Variants in FGF1 observed in about 807,000 individuals in gnomAD.
The protein encoded by FGF1 is beta-endothelial cell growth factor.
Under a neutral mutation model 13.4 loss-of-function variants are expected in FGF1, and 9 were observed. That is an observed-to-expected ratio of 0.67 (90% CI 0.40 to 1.17). The LOEUF is 1.17. Among genes scored for constraint, FGF1 ranks in the 50% most tolerant of loss-of-function variants. FGF1 has a pLI of 0.01. For missense variants in FGF1, 156 were observed against 192.7 expected (o/e 0.81, Z 1.13); for synonymous variants, 93 against 79.0 (o/e 1.18, Z -0.94).
At chr5:142,640,426 T>TGGG (rs771167178) in intron 1 of FGF1, among the ~76,000 whole-genome samples, 1,039 of 70,834 alleles carry the variant, frequency 0.015, 35 homozygotes, top group South Asian at 0.056. Flanking sequence ...TGGAGTATGG[T>TGGG]GGGGGGGGGG....
intron 1 of FGF1, among the ~76,000 whole-genome samples, chr5:142,634,705 TTTGGG>T (rs912343995): frequency 6.5e-4 from 99 of 152,344 alleles, no homozygotes; most frequent in African/African-American, 2.4e-3. Flanking sequence ...TCTTTCATCC[TTTGGG>T]AGTTCACAAA....
intron 1 of FGF1, among the ~76,000 whole-genome samples, chr5:142,685,136 T>C (rs551948650): frequency 6.6e-6 from 1 of 152,188 alleles, no homozygotes; most frequent in Non-Finnish European, 1.5e-5. Context: ...CAGCCTTGCA[T>C]ACCTTTGGCA....
chr5:142,625,309 A>G (rs1233105346), intron 1 of FGF1, among the ~76,000 whole-genome samples: 1 of 91,188 alleles, frequency 1.1e-5, no homozygotes, highest in African/African-American at 4.8e-5. Flanking sequence ...GAGAACTACA[A>G]GCGGACACAC....
chr5:142,638,011 T>G (rs1464876537), intron 1 of FGF1, among the ~76,000 whole-genome samples: 1 of 151,948 alleles, frequency 6.6e-6, no homozygotes, highest in Non-Finnish European at 1.5e-5. Flanking sequence ...AAATGGTCAT[T>G]AAGAATCTAC....
At chr5:142,689,878 T>G (rs1477011828), upstream of FGF1, among the ~76,000 whole-genome samples, 4 of 150,628 alleles carry the variant, frequency 2.7e-5, no homozygotes, top group African/African-American at 2.4e-5. Flanking sequence ...TTTTGTATTT[T>G]GTTCAGTAGA....
chr5:142,644,924 G>A (rs200061653), intron 1 of FGF1, among the ~76,000 whole-genome samples: 11 of 152,140 alleles, frequency 7.2e-5, no homozygotes, highest in Admixed American at 7.2e-4. Context: ...CAGTTAACTC[G>A]CCAGCTTTCT....
intron 1 of FGF1, among the ~76,000 whole-genome samples, chr5:142,643,772 G>C (rs1765567442): frequency 6.6e-6 from 1 of 152,194 alleles, no homozygotes; most frequent in African/African-American, 2.4e-5. Context: ...TAGTAAAACA[G>C]ATCTACATTT....
chr5:142,692,050 G>T (rs1046290624), intron 2 of FGF1, among the ~76,000 whole-genome samples: 1 of 152,142 alleles, frequency 6.6e-6, no homozygotes, highest in Non-Finnish European at 1.5e-5. Flanking sequence ...TAAAGTTTAG[G>T]CCAGGTGCAG....
intron 2 of FGF1, among the ~76,000 whole-genome samples, chr5:142,608,555 T>C (rs1383531170): frequency 7.9e-5 from 6 of 75,988 alleles, no homozygotes; most frequent in Non-Finnish European, 1.2e-4. Context: ...TATATATATA[T>C]ATATATATAT....
Position 142,624,289 on chromosome 5 carries a change from A to T in FGF1, c.-34-10128T>A, listed in dbSNP as rs568207751. 2.6e-5 allele frequency among the ~76,000 whole-genome samples: 4 copies of T among 152,050 alleles called. No homozygotes were observed. The South Asian group carries it at 6.2e-4, about 24-fold the overall frequency. On this transcript the variant is annotated intron_variant, in intron 1 of 3. Transcript: ENST00000337706. ...ACTGTGTTACCCAGGCTGGTCTTAA[A>T]CTTCTAGGCTCAAGCAATCCTCCCA...
chr5:142,650,464 C>G (rs115255844), intron 1 of FGF1, among the ~76,000 whole-genome samples: 74 of 152,178 alleles, frequency 4.9e-4, no homozygotes, highest in African/African-American at 1.7e-3. Context: ...GTTTCCTCAT[C>G]GGCAGAAGGG....
intron 1 of FGF1, among the ~76,000 whole-genome samples, chr5:142,648,885 A>C (rs1766687894): frequency 6.6e-6 from 1 of 152,062 alleles, no homozygotes; most frequent in Admixed American, 6.5e-5. Context: ...AATCAGATGA[A>C]GAATATGGAT....
At chr5:142,608,822 A>G (rs1182105442) in intron 2 of FGF1, among the ~76,000 whole-genome samples, 1 of 150,294 alleles carries the variant, frequency 6.7e-6, no homozygotes, top group African/African-American at 2.4e-5. Flanking sequence ...TGTGTATTTT[A>G]AAGTTTATGT....
At chr5:142,662,909 G>A (rs1420765615) in intron 1 of FGF1, among the ~76,000 whole-genome samples, 4 of 151,852 alleles carry the variant, frequency 2.6e-5, no homozygotes, top group South Asian at 4.2e-4. Flanking sequence ...TTATAGCCTC[G>A]ACCTCCTGCA....
intron 1 of FGF1, among the ~76,000 whole-genome samples, chr5:142,639,939 A>G (rs1318672743): frequency 3.9e-5 from 6 of 152,030 alleles, no homozygotes; most frequent in Non-Finnish European, 5.9e-5. Context: ...GATCTGTCCC[A>G]TCCAGTGTTG....
chr5:142,613,349 C>T (rs999205428), intron 2 of FGF1, among the ~76,000 whole-genome samples: 1 of 152,242 alleles, frequency 6.6e-6, no homozygotes, highest in African/African-American at 2.4e-5. Flanking sequence ...AAGAGATATT[C>T]AGCATTTGGC....
intron 2 of FGF1, among the ~76,000 whole-genome samples, chr5:142,602,430 C>T (rs1025513072): frequency 6.6e-6 from 1 of 152,164 alleles, no homozygotes; most frequent in African/African-American, 2.4e-5. Flanking sequence ...CTGCCTCAGC[C>T]TCCCAAAGTG....
chr5:142,614,581 T>C (rs908477263), intron 1 of FGF1, among the ~76,000 whole-genome samples: 1 of 152,210 alleles, frequency 6.6e-6, no homozygotes, highest in Non-Finnish European at 1.5e-5. Flanking sequence ...ACCAAGGTTC[T>C]GCCCTCCACC....
At chr5:142,640,728 T>C (rs182288972) in intron 1 of FGF1, among the ~76,000 whole-genome samples, 1 of 152,126 alleles carries the variant, frequency 6.6e-6, no homozygotes, top group East Asian at 1.9e-4. Flanking sequence ...CATCTGAACC[T>C]GTCCTCATCC....
Sources: allele counts gnomAD v4.1 joint callset (sites outside exome capture counted in the v4.1 genomes callset), GRCh38; gene constraint gnomAD v4.1.1; transcripts MANE v1.5; gene names NCBI Gene and HGNC (gene_info 2026-07-23, HGNC 2026-07-21).